SCYL2: variants seen among roughly 807,000 people sequenced by gnomAD.
SCYL2 encodes the protein SCY1 like pseudokinase 2.
In SCYL2, 36 loss-of-function variants were observed where a neutral mutation model predicts 100.4. The observed-to-expected ratio is 0.36, with a 90% CI of 0.27 to 0.47. The LOEUF (loss-of-function observed/expected upper bound fraction) is 0.47, where lower values mean the gene tolerates loss of function less well. Among genes scored for constraint, SCYL2 ranks in the 20% least tolerant of loss-of-function variants. The pLI, the probability that SCYL2 is intolerant of heterozygous loss-of-function variation, is 1.00. For missense variants in SCYL2, 902 were observed against 1,083.9 expected, an observed-to-expected ratio of 0.83 and a Z score of 2.36; for synonymous variants, 330 against 359.2, an observed-to-expected ratio of 0.92 and a Z score of 0.92.
In SCYL2 at chr12:100,326,118, ATAAG is replaced by A. The variant is rs145621396; in HGVS notation, c.1510-503_1510-500del. ...ATGGAATTTTGATAAAAGCTTCTAA[ATAAG>A]AGGTCTTAATAACTGTATATTTGGA... On this transcript the variant is annotated intron_variant, in intron 11 of 17. Coordinates refer to ENST00000360820, the MANE Select transcript of SCYL2 (RefSeq NM_017988.6). 6.3e-3 allele frequency among the ~76,000 whole-genome samples: 957 copies of A among 152,238 alleles called. 9 individuals are homozygous for A. Among genetic ancestry groups the A allele is most frequent in the African/African-American group, 0.022 (916 of 41,568 alleles).
At chr12:100,295,583 C>T (rs898105100) in intron 3 of SCYL2, among the ~76,000 whole-genome samples, 1 of 151,794 alleles carries the variant, frequency 6.6e-6, no homozygotes, top group African/African-American at 2.4e-5. Context: ...CCTGCAATCG[C>T]AGGCACTCGG....
chr12:100,314,442 C>G (rs199838820), intron 7 of SCYL2, 47 bp from the exon 8 acceptor site: 2 of 1,401,742 alleles, frequency 1.4e-6, no homozygotes, highest in Non-Finnish European at 2.0e-6. Context: ...ATGAGAAGTA[C>G]TTTCAATTTA....
chr12:100,269,530 A>G (rs1363047376), intron 1 of SCYL2, among the ~76,000 whole-genome samples: 2 of 152,120 alleles, frequency 1.3e-5, no homozygotes, highest in African/African-American at 4.8e-5. Context: ...AATTCATTTA[A>G]TGCTTACTGA....
chr12:100,294,468 C>G (rs1433160163), intron 3 of SCYL2, among the ~76,000 whole-genome samples: 1 of 105,032 alleles, frequency 9.5e-6, no homozygotes, highest in African/African-American at 3.9e-5. Flanking sequence ...CGGGCAGAGG[C>G]GCCCCTCACC....
chr12:100,337,319 A>T, intron 16 of SCYL2, 68 bp from the exon 17 acceptor site: 2 of 1,583,142 alleles, frequency 1.3e-6, no homozygotes, highest in East Asian at 2.2e-5. Context: ...ACCCGAAGAG[A>T]TTATCTTTTG....
Position 100,334,187 on chromosome 12 carries a change from A to G in SCYL2, c.1783A>G (p.Ile595Val), listed in dbSNP as rs1213166779. The change falls in exon 14 of 18, where the codon ATA becomes GTA. Residue 595 changes from isoleucine (I) to valine (V), a missense_variant. Transcript: ENST00000360820. ...CCAGTTCAATTCTTTCATTTCCGTC[A>G]TAAAAGAAATGCTTAATAGATTGGA... ...LNQFNSFISV[I>V]KEMLNRLESE... 2 of 1,600,250 alleles carry G rather than the reference A, an allele frequency of 1.2e-6. No individual in the cohort carries two copies. The highest frequency in any genetic ancestry group is 1.7e-6 in the Non-Finnish European group (2 of 1,170,840).
intron 4 of SCYL2, among the ~76,000 whole-genome samples, chr12:100,309,997 T>C (rs1486315200): frequency 5.3e-5 from 8 of 150,934 alleles, no homozygotes; most frequent in Non-Finnish European, 1.2e-4. Flanking sequence ...TTTCTTTCTC[T>C]TTTATTTTGT....
At chr12:100,334,092 C>A in intron 13 of SCYL2, 74 bp from the exon 14 acceptor site, 1 of 855,794 alleles carries the variant, frequency 1.2e-6, no homozygotes, top group Non-Finnish European at 1.9e-6. Context: ...GATTAATTTA[C>A]TGAATTATCT....
intron 10 of SCYL2, among the ~76,000 whole-genome samples, chr12:100,323,198 T>C (rs907030755): frequency 6.6e-6 from 1 of 152,148 alleles, no homozygotes; most frequent in East Asian, 1.9e-4. Context: ...GCAAAACTTA[T>C]GTGTTGTTAT....
chr12:100,284,182 T>A (rs1055930167), intron 2 of SCYL2, among the ~76,000 whole-genome samples: 3 of 152,210 alleles, frequency 2.0e-5, no homozygotes, highest in African/African-American at 7.2e-5. Flanking sequence ...TATAATAGCA[T>A]CTCTGTGCGT....
At chr12:100,275,938 CT>C (rs1222401018) in intron 1 of SCYL2, among the ~76,000 whole-genome samples, 1 of 151,968 alleles carries the variant, frequency 6.6e-6, no homozygotes, top group Non-Finnish European at 1.5e-5. Flanking sequence ...GATTATCTTG[CT>C]TTTTTTCATT....
At chr12:100,332,240 G>C (rs904479263) in intron 13 of SCYL2, among the ~76,000 whole-genome samples, 4 of 152,138 alleles carry the variant, frequency 2.6e-5, no homozygotes, top group African/African-American at 9.7e-5. Context: ...AATGAGGTCT[G>C]ATCAAGTAAC....
intron 3 of SCYL2, among the ~76,000 whole-genome samples, chr12:100,294,159 T>G: frequency 7.3e-6 from 1 of 137,100 alleles, no homozygotes; most frequent in Non-Finnish European, 1.6e-5. Context: ...GGCGGGGGGC[T>G]GACTCCCCCA....
At chr12:100,281,948 AGG>A (rs1363060988) in intron 1 of SCYL2, among the ~76,000 whole-genome samples, 2 of 152,132 alleles carry the variant, frequency 1.3e-5, no homozygotes, top group Non-Finnish European at 2.9e-5. Flanking sequence ...ACCTGTGAAA[AGG>A]GGTGGAAAAA....
In SCYL2 at chr12:100,313,687, A is replaced by G. The variant is rs1226133539; in HGVS notation, c.969+149A>G. 4 of 566,146 alleles carry G rather than the reference A, an allele frequency of 7.1e-6. No homozygotes were observed. The African/African-American group carries it at 7.6e-5, about 11-fold the overall frequency. 35.1% of individuals were successfully genotyped at this position (566,146 alleles called of 1,614,324 possible). A position where few individuals can be genotyped will look rare whatever the true frequency, so the allele number is the denominator to read the frequency against. ...AAAGCAACAGTCAGATACAGCCCCA[A>G]ATAACATCTGTATCCTTGAGTGTAT... is the stretch of plus-strand genomic sequence containing the variant. On this transcript the variant is annotated intron_variant, in intron 7 of 17. Coordinates refer to ENST00000360820, the MANE Select transcript of SCYL2 (RefSeq NM_017988.6).
At chr12:100,281,661 G>A (rs2096298545) in intron 1 of SCYL2, among the ~76,000 whole-genome samples, 2 of 152,094 alleles carry the variant, frequency 1.3e-5, no homozygotes, top group South Asian at 4.1e-4. Flanking sequence ...GTGAAACCCT[G>A]TCACTACTAG....
chr12:100,338,422 G>T, intron 17 of SCYL2, 106 bp from the exon 18 acceptor site: 1 of 1,008,318 alleles, frequency 9.9e-7, no homozygotes, highest in South Asian at 1.8e-5. Context: ...GTAGACCATT[G>T]AGCTTAATTC....
chr12:100,298,773 G>A (rs1475522186), intron 4 of SCYL2, among the ~76,000 whole-genome samples: 3 of 152,068 alleles, frequency 2.0e-5, no homozygotes, highest in Non-Finnish European at 4.4e-5. Context: ...TGATAGAGAT[G>A]GGGTTTCATC....
intron 11 of SCYL2, among the ~76,000 whole-genome samples, chr12:100,324,641 A>G (rs1212520805): frequency 2.0e-5 from 3 of 152,216 alleles, no homozygotes; most frequent in Non-Finnish European, 4.4e-5. Flanking sequence ...AGAAATCATT[A>G]CTGAAACAAA....
Sources: gnomAD v4.1 joint callset for allele counts (sites outside exome capture counted in the v4.1 genomes callset) on GRCh38, gnomAD v4.1.1 for gene constraint, MANE v1.5 for transcripts, NCBI Gene and HGNC (gene_info 2026-07-23, HGNC 2026-07-21) for gene names.